The following CACNA2D4 variants were observed in gnomAD, a reference collection of about 807,000 sequenced individuals.
CACNA2D4 encodes calcium voltage-gated channel auxiliary subunit alpha2delta 4.
Under a neutral mutation model 163.8 loss-of-function variants are expected in CACNA2D4, and 157 were observed. The observed-to-expected ratio is 0.96, with a 90% CI of 0.84 to 1.09. CACNA2D4 has a LOEUF of 1.09. Ranked by LOEUF, CACNA2D4 falls within the 50% of genes least tolerant of loss-of-function variation. The pLI, the probability that CACNA2D4 is intolerant of heterozygous loss-of-function variation, is 0.00. For synonymous variants in CACNA2D4, 598 were observed against 586.9 expected, an observed-to-expected ratio of 1.02 and a Z score of -0.27; for missense variants, 1,410 against 1,479.9, an observed-to-expected ratio of 0.95 and a Z score of 0.78.
intron 6 of CACNA2D4, among the ~76,000 whole-genome samples, chr12:1,895,283 A>C (rs942753069): frequency 1.3e-5 from 2 of 152,236 alleles, no homozygotes; most frequent in Admixed American, 1.3e-4. Flanking sequence ...TAATATAATT[A>C]AAATGACCAT....
At chr12:1,853,831 T>G in intron 23 of CACNA2D4, 120 bp downstream of exon 23, 1 of 719,506 alleles carries the variant, frequency 1.4e-6, no homozygotes, top group East Asian at 2.7e-5. Context: ...CACTTAATCT[T>G]AGGCCAAAGG....
In CACNA2D4 at chr12:1,854,007, C is replaced by T. The variant is rs200973567; in HGVS notation, c.2190G>A (p.Ala730=). Residue 730 remains alanine (A), a synonymous_variant, in exon 23 of 38, where the codon GCG becomes GCA. Coordinates refer to ENST00000382722, the MANE Select transcript of CACNA2D4 (RefSeq NM_172364.5). ...AGGCTTCCATGGGGGCTGTCACCAC[C>T]GCGTCAAACAGCACCTCCCGGACCA... ...EELVREVLFD[A]VVTAPMEAYW... 4.4e-4 allele frequency: 714 copies of T among 1,612,960 alleles called. 2 individuals are homozygous for T. Among genetic ancestry groups the T allele is most frequent in the Middle Eastern group, 4.3e-3 (26 of 6,060 alleles).
At position 1,833,585 on chromosome 12, in the gene CACNA2D4, T is replaced by A. The variant is rs543355064; in HGVS notation, c.2551+7154A>T. ...ATTCCCCCTCCAGATGCCTTTGTAC[T>A]TACAGGGCTGTGGTTGGGGCACCGA... On this transcript the variant is annotated intron_variant, in intron 26 of 37. Coordinates refer to ENST00000382722, the MANE Select transcript of CACNA2D4 (RefSeq NM_172364.5). The surrounding 1 kb of genome is among the most constrained non-coding windows in gnomAD (Gnocchi z 4.2). Among the ~76,000 whole-genome samples, 1 of 152,292 alleles carries A rather than the reference T, an allele frequency of 6.6e-6. No homozygotes were observed. Among genetic ancestry groups the A allele is most frequent in the East Asian group, 1.9e-4 (1 of 5,184 alleles).
intron 35 of CACNA2D4, among the ~76,000 whole-genome samples, chr12:1,796,456 C>T (rs1863130755): frequency 6.6e-6 from 1 of 152,250 alleles, no homozygotes; most frequent in South Asian, 2.1e-4. Context: ...AAGTCACTTG[C>T]CCACGGTCAT....
At chr12:1,876,814 A>G (rs1389462363) in intron 16 of CACNA2D4, among the ~76,000 whole-genome samples, 1 of 152,088 alleles carries the variant, frequency 6.6e-6, no homozygotes, top group African/African-American at 2.4e-5. Context: ...TCAACATTCC[A>G]TTGCCATTTC....
At chr12:1,840,434 T>G (rs1185484380) in intron 26 of CACNA2D4, among the ~76,000 whole-genome samples, 2 of 5,912 alleles carry the variant, frequency 3.4e-4, no homozygotes, top group African/African-American at 2.0e-3. Context: ...AAATATATTA[T>G]GTGGAAGAGG....
rs779176973 is a variant in CACNA2D4, at chr12:1,853,956, C to G, written c.2241G>C (p.Met747Ile). Residue 747 changes from methionine to isoleucine, a missense_variant, in exon 23 of 38, where the codon ATG becomes ATC. Coordinates refer to ENST00000382722, the MANE Select transcript of CACNA2D4 (RefSeq NM_172364.5). ...EAYWTALALN[M>I]SEESEHVVDM... ...ACCTGGGAACCTGGACCTACTCGGA[C>G]ATGTTGAGGGCCAGCGCTGTCCAGT... 6.2e-7 allele frequency: 1 copy of G among 1,612,690 alleles called. No homozygotes were observed. The highest frequency in any genetic ancestry group is 8.5e-7 in the Non-Finnish European group (1 of 1,179,216).
At chr12:1,882,058 C>A (rs1866014641) in intron 13 of CACNA2D4, among the ~76,000 whole-genome samples, 1 of 152,324 alleles carries the variant, frequency 6.6e-6, no homozygotes, top group African/African-American at 2.4e-5. Context: ...GGCGAAGTAT[C>A]CCCCTTCCCC....
rs1034095202 is a variant in CACNA2D4 at position 1,800,500 on chromosome 12, C to A, written c.2869-62G>T. On this transcript the variant is annotated intron_variant, in intron 31 of 37. Coordinates refer to ENST00000382722, the MANE Select transcript of CACNA2D4 (RefSeq NM_172364.5). The stretch of plus-strand genomic sequence containing the variant: ...TCCAAGGGTGAGGGTGCCCCCCCCC[C>A]ACCACCAGCACCACCCTCAGAGAGA... 2.5e-4 allele frequency: 367 copies of A among 1,481,006 alleles called. 2 individuals carry two copies. The highest frequency in any genetic ancestry group is 1.0e-3 in the Middle Eastern group (6 of 5,814). 91.7% of individuals were successfully genotyped at this position (1,481,006 alleles called of 1,614,324 possible). A position where few individuals can be genotyped will look rare whatever the true frequency, so the allele number is the denominator to read the frequency against.
At chr12:1,900,235 T>G (rs891420590) in intron 6 of CACNA2D4, among the ~76,000 whole-genome samples, 1 of 152,184 alleles carries the variant, frequency 6.6e-6, no homozygotes, top group African/African-American at 2.4e-5. Flanking sequence ...GGTCAAGTGA[T>G]CCTCCCACCT....
intron 6 of CACNA2D4, among the ~76,000 whole-genome samples, chr12:1,899,394 T>A (rs189033557): frequency 6.6e-6 from 1 of 151,794 alleles, no homozygotes; most frequent in Non-Finnish European, 1.5e-5. Flanking sequence ...CTGACAAGAC[T>A]AACAAAATAA....
rs958311230 is a variant in CACNA2D4, at chr12:1,842,794, G to A, written c.2470+1608C>T. On this transcript the variant is annotated intron_variant, in intron 25 of 37. Transcript: ENST00000382722. ...CTGGGGAGCCCAATGTGCTGCTATC[G>A]AGGGTGTGGCCACAGAGGAGGAGCT... 2.7e-4 allele frequency among the ~76,000 whole-genome samples: 41 copies of A among 152,202 alleles called. 1 individual carries two copies. The highest frequency in any genetic ancestry group is 3.3e-4 in the Admixed American group (5 of 15,286).
In CACNA2D4 at chr12:1,834,470, G is replaced by A; in HGVS notation, c.2551+6269C>T. 6.2e-7 allele frequency: 1 copy of A among 1,610,632 alleles called. No individual in the cohort carries two copies. The highest frequency in any genetic ancestry group is 8.5e-7 in the Non-Finnish European group (1 of 1,179,816). Reference sequence around the variant, plus strand: ...CAAGCCCGGGGCTGAGCCGGAGCCGGAGCCCAGCACAGCCTGCCCACAGAA... The same window carrying A: ...CAAGCCCGGGGCTGAGCCGGAGCCGAAGCCCAGCACAGCCTGCCCACAGAA... On this transcript the variant is annotated intron_variant, in intron 26 of 37. Transcript: ENST00000382722. This position sits in a 1 kb window ranked among gnomAD's most constrained non-coding sequence, Gnocchi z 7.6.
intron 23 of CACNA2D4, among the ~76,000 whole-genome samples, chr12:1,848,291 C>T (rs907744203): frequency 1.3e-5 from 2 of 152,176 alleles, no homozygotes; most frequent in Non-Finnish European, 2.9e-5. Flanking sequence ...ACAAACAGAG[C>T]GACAAAGGGC....
intron 27 of CACNA2D4, 118 bp downstream of exon 27, chr12:1,811,544 G>T: frequency 9.6e-7 from 1 of 1,037,160 alleles, no homozygotes; most frequent in Non-Finnish European, 1.5e-6. Flanking sequence ...TGTAGGGGCC[G>T]GGAGGGCATC....
intron 26 of CACNA2D4, among the ~76,000 whole-genome samples, chr12:1,826,554 G>A (rs1864337059): frequency 6.6e-6 from 1 of 152,230 alleles, no homozygotes; most frequent in Admixed American, 6.5e-5. Context: ...GGGCACCTGG[G>A]CTGCCTGCAA....
Position 1,884,974 on chromosome 12 carries a change from T to C in CACNA2D4, c.1158+13A>G, listed in dbSNP as rs374613940. 1.4e-5 allele frequency: 22 copies of C among 1,612,110 alleles called. No homozygotes were observed. The African/African-American group carries it at 2.7e-4, about 20-fold the overall frequency. On this transcript the variant is annotated intron_variant, in intron 10 of 37. Transcript: ENST00000382722. ...CCCAGTCCTCCCCTCCCAGGCCTCA[T>C]TACAGTGGGCACCTGCTTCAGGATC...
Position 1,831,409 on chromosome 12 carries a change from G to A in CACNA2D4, c.2551+9330C>T, listed in dbSNP as rs1246612489. 5.6e-6 allele frequency: 9 copies of A among 1,614,006 alleles called. No individual in the cohort carries two copies. Among genetic ancestry groups the A allele is most frequent in the Admixed American group, 3.3e-5 (2 of 60,004 alleles). On this transcript the variant is annotated intron_variant, in intron 26 of 37. Coordinates refer to ENST00000382722, the MANE Select transcript of CACNA2D4 (RefSeq NM_172364.5). Reference sequence around the variant, plus strand: ...TCCAACCGTCTGCAGAATCTGGACCGGCTGACATTTGAACCCCTAGCAAAC... The same window carrying A: ...TCCAACCGTCTGCAGAATCTGGACCAGCTGACATTTGAACCCCTAGCAAAC...
rs183906003 is a variant in CACNA2D4 at position 1,802,655 on chromosome 12, C to T, written c.2722-1011G>A. ...AAAATTGGGGATAGCGTGTGTCCGGCGTGTGGCTCCCAGTAAATACTTGAA... is the reference window on the plus strand; with the variant it reads ...AAAATTGGGGATAGCGTGTGTCCGGTGTGTGGCTCCCAGTAAATACTTGAA... On this transcript the variant is annotated intron_variant, in intron 29 of 37. Transcript: ENST00000382722. The surrounding 1 kb of genome is among the most constrained non-coding windows in gnomAD (Gnocchi z 4.7). Among the ~76,000 whole-genome samples the T allele has an allele frequency of 1.1e-4, 17 of 152,292 alleles. No individual in the cohort carries two copies. The highest frequency in any genetic ancestry group is 3.4e-3 in the Middle Eastern group (1 of 294).
Sources: allele counts gnomAD v4.1 joint callset (sites outside exome capture counted in the v4.1 genomes callset), GRCh38; gene constraint gnomAD v4.1.1; non-coding constraint Gnocchi (gnomAD v3.1); transcripts MANE v1.5; gene names NCBI Gene and HGNC (gene_info 2026-07-23, HGNC 2026-07-21).